NDUFA5: variants seen among roughly 807,000 people sequenced by gnomAD.
NDUFA5 encodes the protein NADH:ubiquinone oxidoreductase subunit A5, also known as NADH dehydrogenase [ubiquinone] 1 alpha subcomplex subunit 5.
In NDUFA5, 11 loss-of-function variants were observed where a neutral mutation model predicts 19.8. The observed-to-expected ratio is 0.56, with a 90% CI of 0.35 to 0.92. The LOEUF (loss-of-function observed/expected upper bound fraction) is 0.92. NDUFA5 is among the 40% of genes least tolerant of loss of function. The pLI is 0.01. For synonymous variants in NDUFA5, 47 were observed against 46.8 expected (o/e 1.00, Z -0.01); for missense variants, 109 against 134.2 (o/e 0.81, Z 0.93).
At chr7:123,559,327 A>C (rs77951367), upstream of NDUFA5, among the ~76,000 whole-genome samples, 1 of 148,444 alleles carries the variant, frequency 6.7e-6, no homozygotes, top group Non-Finnish European at 1.5e-5. Flanking sequence ...AAAAAAAAAA[A>C]CCTATCCAGA....
At chr7:123,543,114 T>C (rs1389358307) in intron 4 of NDUFA5, among the ~76,000 whole-genome samples, 2 of 152,106 alleles carry the variant, frequency 1.3e-5, no homozygotes, top group Admixed American at 6.5e-5. Context: ...CAAGCAACTA[T>C]AAAAAACAAT....
the NDUFA5 span, among the ~76,000 whole-genome samples, chr7:123,564,522 G>A: frequency 1.3e-5 from 2 of 151,802 alleles, no homozygotes; most frequent in Non-Finnish European, 1.5e-5. Flanking sequence ...TTAATTTCAT[G>A]CACACACACA....
chr7:123,581,603 C>G, the NDUFA5 span, among the ~76,000 whole-genome samples: 1 of 151,906 alleles, frequency 6.6e-6, no homozygotes, highest in South Asian at 2.1e-4. Flanking sequence ...TTCGGTTAAA[C>G]TGATATACAT....
chr7:123,551,129 A>G (rs10241050), intron 2 of NDUFA5, among the ~76,000 whole-genome samples: 44,992 of 151,118 alleles, frequency 0.3, 6,809 homozygotes, highest in East Asian at 0.33. Context: ...TGTTGGCCAG[A>G]CTGGTCAGAA....
the NDUFA5 span, among the ~76,000 whole-genome samples, chr7:123,580,445 A>G: frequency 2.0e-5 from 3 of 152,136 alleles, no homozygotes; most frequent in East Asian, 5.8e-4. Flanking sequence ...TTGACCAAAA[A>G]CTGCTCAGGG....
At chr7:123,560,481 G>A (rs1798674764), upstream of NDUFA5, among the ~76,000 whole-genome samples, 1 of 152,160 alleles carries the variant, frequency 6.6e-6, no homozygotes. Flanking sequence ...CTTCAGCAAA[G>A]TTACATTATA....
chr7:123,560,474 C>G (rs1372868580), upstream of NDUFA5, among the ~76,000 whole-genome samples: 2 of 152,192 alleles, frequency 1.3e-5, no homozygotes, highest in Non-Finnish European at 2.9e-5. Context: ...CAAATAACTT[C>G]AGCAAAGTTA....
At chr7:123,544,875 T>C (rs2116069819) in intron 4 of NDUFA5, among the ~76,000 whole-genome samples, 1 of 150,972 alleles carries the variant, frequency 6.6e-6, no homozygotes, top group South Asian at 2.1e-4. Flanking sequence ...TTTACATCAG[T>C]AACCTATCTA....
chr7:123,554,108 T>C (rs1798452679), intron 2 of NDUFA5, among the ~76,000 whole-genome samples: 1 of 152,202 alleles, frequency 6.6e-6, no homozygotes, highest in African/African-American at 2.4e-5. Context: ...TACTGAGCAT[T>C]TGATATGTGG....
At chr7:123,551,071 G>A (rs1489385442) in intron 2 of NDUFA5, among the ~76,000 whole-genome samples, 8 of 151,434 alleles carry the variant, frequency 5.3e-5, no homozygotes, top group African/African-American at 1.9e-4. Context: ...GATTACAGGT[G>A]GCCGCCACCA....
intron 2 of NDUFA5, chr7:123,551,515 T>C: frequency 1.0e-6 from 1 of 978,824 alleles, no homozygotes; most frequent in Non-Finnish European, 1.2e-6. Context: ...TGAATCAGTA[T>C]TTTTCAAAGT....
At chr7:123,580,482 C>G in the NDUFA5 span, among the ~76,000 whole-genome samples, 1 of 152,038 alleles carries the variant, frequency 6.6e-6, no homozygotes, top group African/African-American at 2.4e-5. Context: ...GGCAATTTTA[C>G]TTAACCCCCT....
the NDUFA5 span, among the ~76,000 whole-genome samples, chr7:123,593,738 AT>A: frequency 2.6e-5 from 4 of 152,116 alleles, no homozygotes; most frequent in East Asian, 7.8e-4. Context: ...ACCTTGGTGA[AT>A]CTGAACACTT....
Position 123,542,226 on chromosome 7 carries a change from A to G in NDUFA5, c.250-6T>C. The stretch of plus-strand genomic sequence containing the variant: ...AGATTTAGTTCATGTTCAGCCTGTT[A>G]ATACAAATTTTTTAAAAGATCATTG... On this transcript the variant is annotated splice_region_variant and splice_polypyrimidine_tract_variant and intron_variant, in intron 4 of 4. Coordinates refer to ENST00000355749, the MANE Select transcript of NDUFA5 (RefSeq NM_005000.5). The G allele has an allele frequency of 6.2e-7, 1 of 1,601,466 alleles. No homozygotes were observed. Among genetic ancestry groups the G allele is most frequent in the Non-Finnish European group, 8.5e-7 (1 of 1,174,622 alleles).
chr7:123,579,639 C>G, the NDUFA5 span, among the ~76,000 whole-genome samples: 1 of 152,150 alleles, frequency 6.6e-6, no homozygotes. Context: ...TGCCTGGTAC[C>G]TTGGGATTTG....
chr7:123,547,935 TG>T (rs1391685888), intron 3 of NDUFA5, among the ~76,000 whole-genome samples: 1 of 151,954 alleles, frequency 6.6e-6, no homozygotes, highest in Non-Finnish European at 1.5e-5. Flanking sequence ...GTGTTCGAGG[TG>T]GGTATTATTA....
At chr7:123,558,801 A>G (rs1056037655), upstream of NDUFA5, among the ~76,000 whole-genome samples, 2 of 152,200 alleles carry the variant, frequency 1.3e-5, no homozygotes, top group Non-Finnish European at 2.9e-5. Flanking sequence ...GAATGGGAAC[A>G]ATGAGAAGAC....
chr7:123,579,206 C>A, the NDUFA5 span, among the ~76,000 whole-genome samples: 1 of 151,974 alleles, frequency 6.6e-6, no homozygotes, highest in Admixed American at 6.6e-5. Context: ...CCAGCTGTAT[C>A]CATGTTGCTG....
chr7:123,596,424 G>A, the NDUFA5 span: 1 of 151,894 alleles, frequency 6.6e-6, no homozygotes. Flanking sequence ...TGGACAACAA[G>A]GTCAAACCCC....
Sources: gnomAD v4.1 joint callset for allele counts (sites outside exome capture counted in the v4.1 genomes callset) on GRCh38, gnomAD v4.1.1 for gene constraint, MANE v1.5 for transcripts, NCBI Gene and HGNC (gene_info 2026-07-23, HGNC 2026-07-21) for gene names.